The following NT5DC3 variants were observed in gnomAD, a reference collection of about 807,000 sequenced individuals.
NT5DC3 encodes 5'-nucleotidase domain containing 3, also known as 5'-nucleotidase domain-containing protein 3.
In NT5DC3, 42 loss-of-function variants were observed where a neutral mutation model predicts 67.8. The ratio of observed to expected loss-of-function variants is 0.62; its 90% CI spans 0.48 to 0.80. The LOEUF is 0.80. Among genes scored for constraint, NT5DC3 ranks in the 30% least tolerant of loss-of-function variants. NT5DC3 has a pLI of 0.00. For synonymous variants in NT5DC3, 237 were observed against 255.6 expected (o/e 0.93, Z 0.69); for missense variants, 570 against 696.4 (o/e 0.82, Z 2.04).
chr12:103,761,802 G>T, the NT5DC3 span, among the ~76,000 whole-genome samples: 15 of 152,194 alleles, frequency 9.9e-5, no homozygotes, highest in African/African-American at 3.6e-4. Context: ...GGGAAGGATT[G>T]TAAGTTAGAA....
chr12:103,758,434 T>A, the NT5DC3 span: 1 of 1,379,962 alleles, frequency 7.2e-7, no homozygotes, highest in South Asian at 1.4e-5. Context: ...GCCACTCCCT[T>A]GGTCTTGGCA....
At chr12:103,840,413 C>T (rs937145167) in intron 1 of NT5DC3, among the ~76,000 whole-genome samples, 31 of 145,620 alleles carry the variant, frequency 2.1e-4, no homozygotes, top group African/African-American at 7.8e-4. Flanking sequence ...CTCATCTCAT[C>T]TCATCTCATT....
At chr12:103,748,897 C>G in the NT5DC3 span, 1 of 1,543,848 alleles carries the variant, frequency 6.5e-7, no homozygotes, top group South Asian at 1.2e-5. Context: ...GTGCCCCATA[C>G]CCTGACCTGA....
intron 1 of NT5DC3, among the ~76,000 whole-genome samples, chr12:103,838,764 A>C (rs546605559): frequency 7.2e-5 from 11 of 152,348 alleles, no homozygotes; most frequent in African/African-American, 2.6e-4. Context: ...CATACCATGA[A>C]ATAACAGCAA....
the NT5DC3 span, chr12:103,763,418 T>C: frequency 1.1e-5 from 15 of 1,375,450 alleles, no homozygotes; most frequent in African/African-American, 7.1e-5. Context: ...GGTGGCTTGC[T>C]TTACCTGCCA....
chr12:103,768,098 A>G (rs961220392), downstream of NT5DC3, among the ~76,000 whole-genome samples: 8 of 145,698 alleles, frequency 5.5e-5, no homozygotes, highest in African/African-American at 2.0e-4. Context: ...AAAAAAAAAA[A>G]AAAAAAAAAA....
chr12:103,792,888 G>A (rs1282166608), intron 9 of NT5DC3, among the ~76,000 whole-genome samples: 1 of 152,202 alleles, frequency 6.6e-6, no homozygotes, highest in African/African-American at 2.4e-5. Context: ...GTGATAATAA[G>A]TTTGGCTTTC....
At chr12:103,792,968 C>G (rs1028088050) in intron 9 of NT5DC3, among the ~76,000 whole-genome samples, 196 bp downstream of exon 9, 1 of 152,158 alleles carries the variant, frequency 6.6e-6, no homozygotes, top group South Asian at 2.1e-4. Context: ...AACTGAGAAC[C>G]CTTTCAATGC....
At chr12:103,832,429 G>A (rs1017087765) in intron 1 of NT5DC3, among the ~76,000 whole-genome samples, 1 of 152,066 alleles carries the variant, frequency 6.6e-6, no homozygotes, top group African/African-American at 2.4e-5. Flanking sequence ...AGGTGATTCC[G>A]ATGTGCCTAT....
At chr12:103,834,044 T>C (rs1351192706) in intron 1 of NT5DC3, among the ~76,000 whole-genome samples, 4 of 152,122 alleles carry the variant, frequency 2.6e-5, no homozygotes, top group East Asian at 1.9e-4. Context: ...TATTGCCCTG[T>C]GCACTGTAGG....
intron 5 of NT5DC3, 72 bp downstream of exon 5, chr12:103,798,515 A>G: frequency 2.0e-6 from 2 of 987,176 alleles, no homozygotes; most frequent in Non-Finnish European, 3.2e-6. Context: ...TATAAGCAGT[A>G]GGTAAGTTCG....
At chr12:103,781,156 ACT>A (rs1294307888) in intron 12 of NT5DC3, among the ~76,000 whole-genome samples, 5 of 152,222 alleles carry the variant, frequency 3.3e-5, no homozygotes. Flanking sequence ...AAACAGAAAC[ACT>A]GAGGCCAGAA....
At chr12:103,763,395 C>T in the NT5DC3 span, 1 of 942,678 alleles carries the variant, frequency 1.1e-6, no homozygotes, top group East Asian at 2.5e-5. Flanking sequence ...AGGAAAAGCT[C>T]CCAGAGGCAA....
intron 4 of NT5DC3, among the ~76,000 whole-genome samples, chr12:103,799,311 T>TC (rs1434084365): frequency 1.3e-5 from 2 of 152,216 alleles, no homozygotes; most frequent in African/African-American, 4.8e-5. Flanking sequence ...TCTTGAATTG[T>TC]AGCTCCTATA....
At chr12:103,785,658 T>C (rs1187291323) in intron 11 of NT5DC3, 183 bp from the exon 12 acceptor site, 3 of 721,918 alleles carry the variant, frequency 4.2e-6, no homozygotes, top group African/African-American at 3.5e-5. Context: ...CCTTTGATCA[T>C]TTCATTCCAA....
At chr12:103,798,461 T>C in intron 5 of NT5DC3, 126 bp downstream of exon 5, 1 of 661,388 alleles carries the variant, frequency 1.5e-6, no homozygotes, top group South Asian at 1.9e-5. Context: ...CTTCAAACGC[T>C]AGTCTCTCTC....
chr12:103,839,029 C>G (rs182872350), intron 1 of NT5DC3, among the ~76,000 whole-genome samples: 108 of 152,276 alleles, frequency 7.1e-4, no homozygotes, highest in African/African-American at 2.6e-3. Context: ...TGTTCAGTCC[C>G]TTGACTGTGG....
At chr12:103,840,268 C>A (rs1888324467) in intron 1 of NT5DC3, among the ~76,000 whole-genome samples, 1 of 152,162 alleles carries the variant, frequency 6.6e-6, no homozygotes, top group African/African-American at 2.4e-5. Flanking sequence ...TTTATGTGCA[C>A]CTGGCCATGA....
intron 4 of NT5DC3, among the ~76,000 whole-genome samples, chr12:103,800,914 T>A (rs1886545053): frequency 1.3e-5 from 2 of 152,212 alleles, no homozygotes. Flanking sequence ...GCCTATTTCC[T>A]GATGTCACTG....
Sources: gnomAD v4.1 joint callset for allele counts (sites outside exome capture counted in the v4.1 genomes callset) on GRCh38, gnomAD v4.1.1 for gene constraint, MANE v1.5 for transcripts, NCBI Gene and HGNC (gene_info 2026-07-23, HGNC 2026-07-21) for gene names.